ZMYM6: variants seen among roughly 807,000 people sequenced by gnomAD.
ZMYM6 encodes zinc finger MYM-type protein 6.
In ZMYM6, 90 loss-of-function variants were observed where a neutral mutation model predicts 134.0. The ratio of observed to expected loss-of-function variants is 0.67; its 90% confidence interval spans 0.57 to 0.80. The LOEUF is 0.80. Among genes scored for constraint, ZMYM6 ranks in the 30% least tolerant of loss-of-function variants. ZMYM6 has a pLI of 0.00. For missense variants in ZMYM6, 1,362 were observed against 1,533.9 expected, an observed-to-expected ratio of 0.89 and a Z score of 1.87; for synonymous variants, 481 against 524.1, an observed-to-expected ratio of 0.92 and a Z score of 1.12.
chr1:34,995,650 A>G (rs1400155278), intron 14 of ZMYM6, among the ~76,000 whole-genome samples: 1 of 152,158 alleles, frequency 6.6e-6, no homozygotes, highest in Non-Finnish European at 1.5e-5. Context: ...TGCTAGACAG[A>G]GATGATTTAC....
intron 15 of ZMYM6, chr1:34,991,968 A>G (rs1640683148): frequency 1.1e-5 from 5 of 437,320 alleles, no homozygotes; most frequent in South Asian, 1.0e-4. Context: ...CTGAATTCGC[A>G]GTATTTAAAA....
Position 35,014,988 on chromosome 1 carries a change from A to G in ZMYM6, c.603T>C (p.Asp201=), listed in dbSNP as rs767734774. 1.2e-6 allele frequency: 2 copies of G among 1,610,460 alleles called. No homozygotes were observed. Among genetic ancestry groups the G allele is most frequent in the Non-Finnish European group, 1.7e-6 (2 of 1,179,296 alleles). ...CCAATAAAAGTAAAATGTAACTTACATCAGCATTCTTCTGACACATACTGC... is the reference window on the plus strand; with the variant it reads ...CCAATAAAAGTAAAATGTAACTTACGTCAGCATTCTTCTGACACATACTGC... ...TKCSMCQKNA[D]TRFEVKYQNV... is the part of the protein sequence containing the mutation. Residue 201 remains aspartate, a splice_region_variant and synonymous_variant, in exon 5 of 16, where the codon GAT becomes GAC. Coordinates refer to ENST00000357182, the MANE Select transcript of ZMYM6 (RefSeq NM_007167.4).
chr1:35,026,571 C>T (rs926591946), intron 2 of ZMYM6, among the ~76,000 whole-genome samples: 5 of 152,094 alleles, frequency 3.3e-5, no homozygotes, highest in African/African-American at 1.2e-4. Context: ...CTTAAATATA[C>T]AATCTAAGCT....
At position 35,010,427 on chromosome 1, in the gene ZMYM6, T is replaced by C. The variant is rs1269752213; in HGVS notation, c.1492+20A>G. Reference sequence around the variant, plus strand: ...ATTATAACAACCCATGCTCTGTGAATAAAACAACTTTGTCTTTACCTTCAC... The same window carrying C: ...ATTATAACAACCCATGCTCTGTGAACAAAACAACTTTGTCTTTACCTTCAC... On this transcript the variant is annotated intron_variant, in intron 10 of 15. Coordinates refer to ENST00000357182, the MANE Select transcript of ZMYM6 (RefSeq NM_007167.4). 2 of 1,598,200 alleles carry C rather than the reference T, an allele frequency of 1.3e-6. No homozygotes were observed. The highest frequency in any genetic ancestry group is 1.8e-5 in the Admixed American group (1 of 54,882).
Position 35,015,108 on chromosome 1 carries a change from A to G in ZMYM6, c.483T>C (p.Pro161=), listed in dbSNP as rs1641157192. 1.2e-6 allele frequency: 2 copies of G among 1,613,422 alleles called. No individual in the cohort carries two copies. The highest frequency in any genetic ancestry group is 4.5e-5 in the East Asian group (2 of 44,860). Residue 161 remains proline (P), a synonymous_variant, in exon 5 of 16, where the codon CCT becomes CCC. Transcript: ENST00000357182. The part of the protein sequence containing the change: ...VITTRFENSY[P]SKDFCSQSCL... ...ATGATTGGCTGCAGAAATCTTTGCTAGGATAGGAATTCTCAAAGCGAGTTG... is the reference window on the plus strand; with the variant it reads ...ATGATTGGCTGCAGAAATCTTTGCTGGGATAGGAATTCTCAAAGCGAGTTG...
intron 2 of ZMYM6, 86 bp from the exon 3 acceptor site, chr1:35,020,553 T>G: frequency 1.6e-6 from 1 of 623,596 alleles, no homozygotes; most frequent in Non-Finnish European, 2.4e-6. Flanking sequence ...AAAATTATTC[T>G]ATCCTATTCA....
chr1:34,993,784 T>C (rs770850753), intron 14 of ZMYM6, among the ~76,000 whole-genome samples: 12 of 151,808 alleles, frequency 7.9e-5, no homozygotes, highest in Non-Finnish European at 1.2e-4. Flanking sequence ...CCTGGATTCA[T>C]GCCATTCTCC....
At chr1:35,002,740 C>T (rs1405656093) in intron 14 of ZMYM6, among the ~76,000 whole-genome samples, 1 of 152,168 alleles carries the variant, frequency 6.6e-6, no homozygotes, top group African/African-American at 2.4e-5. Context: ...TTTTTTATCA[C>T]ATCTAACTTT....
intron 2 of ZMYM6, among the ~76,000 whole-genome samples, chr1:35,027,320 G>A (rs1557590861): frequency 6.6e-6 from 1 of 152,140 alleles, no homozygotes; most frequent in Non-Finnish European, 1.5e-5. Context: ...TCACACTGGA[G>A]GAAACAGGGT....
At chr1:35,011,123 A>T in intron 8 of ZMYM6, 87 bp from the exon 9 acceptor site, 2 of 1,370,250 alleles carry the variant, frequency 1.5e-6, no homozygotes, top group Non-Finnish European at 9.8e-7. Context: ...TAATAAATCA[A>T]GTCTCCCACA....
chr1:34,997,495 G>T (rs1640804255), intron 14 of ZMYM6, among the ~76,000 whole-genome samples: 1 of 152,112 alleles, frequency 6.6e-6, no homozygotes, highest in Non-Finnish European at 1.5e-5. Context: ...AGTAGAGAGA[G>T]GGTTTCACCA....
intron 2 of ZMYM6, among the ~76,000 whole-genome samples, chr1:35,029,761 C>T (rs1319773658): frequency 6.6e-6 from 1 of 152,196 alleles, no homozygotes; most frequent in Non-Finnish European, 1.5e-5. Context: ...TCAGCTTACA[C>T]ATCCTTCCCT....
chr1:35,006,671 C>T (rs1640972397), intron 12 of ZMYM6, among the ~76,000 whole-genome samples: 1 of 152,092 alleles, frequency 6.6e-6, no homozygotes, highest in Non-Finnish European at 1.5e-5. Context: ...TATTTATGTA[C>T]AGATACATTC....
At chr1:35,025,293 C>A (rs577038954) in intron 2 of ZMYM6, among the ~76,000 whole-genome samples, 105 of 150,988 alleles carry the variant, frequency 7.0e-4, no homozygotes, top group African/African-American at 2.4e-3. Context: ...ATGGTGAAAC[C>A]CCGTCTCTAT....
rs772809970 is a variant in ZMYM6, at chr1:35,006,944, A to G, written c.1813+7T>C. 9.3e-6 allele frequency: 15 copies of G among 1,607,868 alleles called. No homozygotes were observed. Among genetic ancestry groups the G allele is most frequent in the Non-Finnish European group, 1.3e-5 (15 of 1,177,226 alleles). The stretch of plus-strand genomic sequence containing the variant: ...ATAAAAATCCCATTAGCTAAGTTTA[A>G]TTTTACCTTTATTTTGTGGAAGACA... On this transcript the variant is annotated splice_region_variant and intron_variant, in intron 12 of 15. Transcript: ENST00000357182.
intron 2 of ZMYM6, among the ~76,000 whole-genome samples, chr1:35,023,614 T>G (rs1641350761): frequency 6.6e-6 from 1 of 151,500 alleles, no homozygotes; most frequent in African/African-American, 2.4e-5. Flanking sequence ...GTGTTTAAGA[T>G]TCAATAAAAT....
chr1:35,022,221 C>G (rs1198352235), intron 2 of ZMYM6, among the ~76,000 whole-genome samples: 2 of 151,924 alleles, frequency 1.3e-5, no homozygotes, highest in Non-Finnish European at 2.9e-5. Context: ...TGCCCAAGGT[C>G]ACAAAGAGAC....
chr1:35,007,048 T>C lies in ZMYM6; in HGVS notation c.1716A>G (p.Ile572Met). Reference protein sequence around the residue: ...CKRQGKLSESIKWRGNIKHFC... With the variant: ...CKRQGKLSESMKWRGNIKHFC... ...AATGTTTAATGTTGCCTCGCCACTT[T>C]ATGGACTCGCTTAGTTTACCCTGTC... The change falls in exon 12 of 16, where the codon ATA becomes ATG. Residue 572 changes from isoleucine (I) to methionine (M), a missense_variant. This residue lies in a region of ZMYM6 where 824 missense variants were observed against 940.9 expected (regional missense o/e 0.88). Transcript: ENST00000357182. 6.2e-7 allele frequency: 1 copy of C among 1,611,878 alleles called. No homozygotes were observed. The highest frequency in any genetic ancestry group is 8.5e-7 in the Non-Finnish European group (1 of 1,178,992).
intron 1 of ZMYM6, chr1:35,031,166 C>G (rs1317862193): frequency 6.6e-6 from 1 of 152,630 alleles, no homozygotes; most frequent in Non-Finnish European, 1.5e-5. Flanking sequence ...GGAAGCCTCC[C>G]TAAGGGCCCC....
Sources: allele counts gnomAD v4.1 joint callset (sites outside exome capture counted in the v4.1 genomes callset), GRCh38; gene constraint gnomAD v4.1.1; regional missense constraint gnomAD v4.1.1; transcripts MANE v1.5; gene names NCBI Gene and HGNC (gene_info 2026-07-23, HGNC 2026-07-21).